GMEB1: variants seen among roughly 807,000 people sequenced by gnomAD.
GMEB1 encodes glucocorticoid modulatory element binding protein 1, also known as glucocorticoid modulatory element-binding protein 1.
A neutral mutation model predicts 52.4 loss-of-function variants in GMEB1; 6 were observed. The ratio of observed to expected loss-of-function variants is 0.11; its 90% CI spans 0.06 to 0.23. The LOEUF (loss-of-function observed/expected upper bound fraction) is 0.23. Ranked by LOEUF, GMEB1 falls within the 10% of genes least tolerant of loss-of-function variation. GMEB1 has a pLI of 1.00. For missense variants in GMEB1, 486 were observed against 685.6 expected, an observed-to-expected ratio of 0.71 and a Z score of 3.25; for synonymous variants, 255 against 244.9, an observed-to-expected ratio of 1.04 and a Z score of -0.38.
At position 28,680,778 on chromosome 1, in the gene GMEB1, C is replaced by T. The variant is rs555374741; in HGVS notation, c.-30-2805C>T. ...GCAATCCTTGGAATCCTTGGCCAGG[C>T]ATGGTGGCTCATCCCAGCACTTTGG... On this transcript the variant is annotated intron_variant, in intron 1 of 9. Transcript: ENST00000373816. Among the ~76,000 whole-genome samples the T allele has an allele frequency of 1.2e-4, 18 of 151,170 alleles. No homozygotes were observed. In the Admixed American group the frequency reaches 1.2e-3, roughly 10 times the overall value.
intron 5 of GMEB1, among the ~76,000 whole-genome samples, chr1:28,694,812 C>T (rs1298694358): frequency 2.0e-5 from 3 of 151,762 alleles, no homozygotes; most frequent in Non-Finnish European, 2.9e-5. Context: ...TACAGGAGCA[C>T]GCCACCTCGA....
intron 2 of GMEB1, 44 bp downstream of exon 2, chr1:28,683,784 C>T (rs2124482107): frequency 6.3e-7 from 1 of 1,590,768 alleles, no homozygotes; most frequent in Middle Eastern, 1.7e-4. Flanking sequence ...TTTTGGGAAG[C>T]TTCAAGGGTG....
chr1:28,710,828 A>T (rs1289973212), intron 9 of GMEB1, among the ~76,000 whole-genome samples, 186 bp downstream of exon 9: 1 of 151,972 alleles, frequency 6.6e-6, no homozygotes, highest in Non-Finnish European at 1.5e-5. Context: ...ACAAAGGAAA[A>T]AAAAAGGAAG....
In GMEB1 at chr1:28,719,076, G is replaced by A. The variant is rs1050732541; in HGVS notation, c.*4303G>A. 2 of 152,206 alleles carry A rather than the reference G, an allele frequency of 1.3e-5. No individual in the cohort carries two copies. The highest frequency in any genetic ancestry group is 4.8e-5 in the African/African-American group (2 of 41,442). 9.4% of individuals were successfully genotyped at this position (152,206 alleles called of 1,614,324 possible). A position where few individuals can be genotyped will look rare whatever the true frequency, so the allele number is the denominator to read the frequency against. On this transcript the variant is annotated 3_prime_UTR_variant, in exon 10 of 10. Transcript: ENST00000373816. ...CTGGAGAACGCTGAGTCATGCATGG[G>A]CTTCTCCAAGTTTCCATCAGATGGG... is the stretch of plus-strand genomic sequence containing the variant.
chr1:28,699,154 G>A (rs1670374714), intron 6 of GMEB1, among the ~76,000 whole-genome samples: 1 of 152,058 alleles, frequency 6.6e-6, no homozygotes, highest in Non-Finnish European at 1.5e-5. Flanking sequence ...GCTTGGAGGG[G>A]CTCCTGATTA....
Position 28,692,922 on chromosome 1 carries a change from A to G in GMEB1, c.337-20A>G. The G allele has an allele frequency of 7.0e-7, 1 of 1,435,960 alleles. No individual in the cohort carries two copies. Among genetic ancestry groups the G allele is most frequent in the Non-Finnish European group, 9.7e-7 (1 of 1,031,630 alleles). The allele number at this position is 1,435,960 out of a possible 1,614,324, so 89.0% of individuals were successfully genotyped here. A position where few individuals can be genotyped will look rare whatever the true frequency, so the allele number is the denominator to read the frequency against. On this transcript the variant is annotated intron_variant, in intron 4 of 9. Transcript: ENST00000373816. Reference sequence around the variant, plus strand: ...CCTAAGTTGACATTAGACTCTTTGGACTTTTCTTTTTACTTTTAGTTCAAT... The same window carrying G: ...CCTAAGTTGACATTAGACTCTTTGGGCTTTTCTTTTTACTTTTAGTTCAAT...
At chr1:28,693,124 T>C (rs1383905827) in intron 5 of GMEB1, 79 bp downstream of exon 5, 2 of 580,114 alleles carry the variant, frequency 3.4e-6, no homozygotes, top group Non-Finnish European at 5.9e-6. Context: ...CTTTTCTCTT[T>C]AGGTTGACAT....
intron 6 of GMEB1, among the ~76,000 whole-genome samples, chr1:28,699,810 C>T (rs1386188408): frequency 6.6e-6 from 1 of 150,828 alleles, no homozygotes; most frequent in East Asian, 1.9e-4. Context: ...CATGGTGGGT[C>T]ACACCTCTAA....
intron 6 of GMEB1, 86 bp from the exon 7 acceptor site, chr1:28,702,352 C>G (rs1670553851): frequency 9.5e-7 from 1 of 1,048,808 alleles, no homozygotes; most frequent in East Asian, 2.6e-5. Flanking sequence ...ATAACAAGGT[C>G]TTTGTAGCTA....
intron 6 of GMEB1, among the ~76,000 whole-genome samples, chr1:28,700,704 C>A (rs1319198312): frequency 1.3e-5 from 2 of 150,480 alleles, no homozygotes; most frequent in African/African-American, 4.9e-5. Context: ...AAAAAAAGAT[C>A]TTTTGGTCAG....
intron 2 of GMEB1, among the ~76,000 whole-genome samples, chr1:28,688,938 C>A (rs1669821853): frequency 1.4e-5 from 2 of 142,210 alleles, no homozygotes; most frequent in South Asian, 2.2e-4. Flanking sequence ...ATCGCCCAGG[C>A]TGGAGTACAG....
chr1:28,706,687 C>A (rs1421891088), intron 8 of GMEB1, among the ~76,000 whole-genome samples: 1 of 151,142 alleles, frequency 6.6e-6, no homozygotes, highest in African/African-American at 2.4e-5. Flanking sequence ...TATTTAGAGA[C>A]GGAGTCTCAC....
Position 28,683,563 on chromosome 1 carries a change from G to T in GMEB1, c.-30-20G>T. ...CTTTTTAAACCAGATTAAGTTATTGGTGCTTCTTGTTCCCGACAGCAGTCC... is the reference window on the plus strand; with the variant it reads ...CTTTTTAAACCAGATTAAGTTATTGTTGCTTCTTGTTCCCGACAGCAGTCC... On this transcript the variant is annotated intron_variant, in intron 1 of 9. Transcript: ENST00000373816. 4 of 1,561,450 alleles carry T rather than the reference G, an allele frequency of 2.6e-6. No homozygotes were observed. Among genetic ancestry groups the T allele is most frequent in the Non-Finnish European group, 3.5e-6 (4 of 1,154,170 alleles).
chr1:28,679,802 CT>C (rs762915216), intron 1 of GMEB1, among the ~76,000 whole-genome samples: 641 of 139,518 alleles, frequency 4.6e-3, no homozygotes, highest in Middle Eastern at 7.2e-3. Flanking sequence ...ATGGCTCACA[CT>C]TTTTTTTTTT....
chr1:28,678,604 C>T (rs1012550155), intron 1 of GMEB1, among the ~76,000 whole-genome samples: 4 of 151,408 alleles, frequency 2.6e-5, no homozygotes, highest in African/African-American at 4.9e-5. Context: ...CCACCGCGTC[C>T]GTCTCTTTTC....
chr1:28,696,018 T>A (rs1670192044), intron 5 of GMEB1, among the ~76,000 whole-genome samples: 1 of 147,560 alleles, frequency 6.8e-6, no homozygotes, highest in South Asian at 2.1e-4. Flanking sequence ...CCAATGAAAT[T>A]GGGAAGGAAT....
At chr1:28,696,110 C>T (rs1670197995) in intron 5 of GMEB1, among the ~76,000 whole-genome samples, 1 of 151,148 alleles carries the variant, frequency 6.6e-6, no homozygotes, top group African/African-American at 2.4e-5. Flanking sequence ...CTCTGTCACC[C>T]AGGCTGGAGT....
intron 1 of GMEB1, among the ~76,000 whole-genome samples, chr1:28,669,963 TTC>T (rs1180822577): frequency 1.3e-5 from 2 of 152,074 alleles, no homozygotes; most frequent in Non-Finnish European, 2.9e-5. Flanking sequence ...CAGCCCTGGA[TTC>T]TCTCAAGATG....
intron 2 of GMEB1, among the ~76,000 whole-genome samples, chr1:28,685,525 C>T (rs576157996): frequency 1.3e-5 from 2 of 152,172 alleles, no homozygotes; most frequent in Admixed American, 6.6e-5. Context: ...AATGATGATT[C>T]GTAGGGAATG....
Sources: allele counts gnomAD v4.1 joint callset (sites outside exome capture counted in the v4.1 genomes callset), GRCh38; gene constraint gnomAD v4.1.1; transcripts MANE v1.5; gene names NCBI Gene and HGNC (gene_info 2026-07-23, HGNC 2026-07-21).